Variants in ZNF704 observed in about 807,000 individuals in gnomAD.
The protein encoded by ZNF704 is glucocorticoid induced gene 1.
ZNF704 carries 10 observed loss-of-function variants against 44.7 expected under a neutral mutation model. The observed-to-expected ratio is 0.22, with a 90% CI of 0.14 to 0.38. The LOEUF is 0.38. ZNF704 is among the 10% of genes least tolerant of loss of function. The pLI is 1.00. For missense variants in ZNF704, 390 were observed against 545.5 expected (o/e 0.71, Z 2.84); for synonymous variants, 211 against 207.6 (o/e 1.02, Z -0.14).
At chr8:80,661,894 T>C (rs754423122) in intron 6 of ZNF704, among the ~76,000 whole-genome samples, 7 of 152,132 alleles carry the variant, frequency 4.6e-5, no homozygotes, top group Admixed American at 6.6e-5. Flanking sequence ...AGGATGGCTA[T>C]AGCTAACAAC....
intron 2 of ZNF704, among the ~76,000 whole-genome samples, chr8:80,795,011 T>C (rs1218919617): frequency 6.6e-6 from 1 of 152,188 alleles, no homozygotes; most frequent in Non-Finnish European, 1.5e-5. Flanking sequence ...AACCCTAAAT[T>C]GAGCAAGTGT....
At chr8:80,720,640 G>T (rs1450335854) in intron 2 of ZNF704, among the ~76,000 whole-genome samples, 1 of 152,174 alleles carries the variant, frequency 6.6e-6, no homozygotes, top group Non-Finnish European at 1.5e-5. Flanking sequence ...TCAAAACCAT[G>T]GATGGGTGGG....
At position 80,693,299 on chromosome 8, in the gene ZNF704, A is replaced by T. The variant is rs1252640214; in HGVS notation, c.222-192T>A. 2.0e-5 allele frequency among the ~76,000 whole-genome samples: 3 copies of T among 152,254 alleles called. No homozygotes were observed. The East Asian group carries it at 5.8e-4, about 29-fold the overall frequency. On this transcript the variant is annotated intron_variant, in intron 2 of 8. Coordinates refer to ENST00000327835, the MANE Select transcript of ZNF704 (RefSeq NM_001033723.3). Reference sequence around the variant, plus strand: ...AGTGTTTCAGTCAAAGTCATACAGTATTAGGAAGACAAGGATTCCATCATC... The same window carrying T: ...AGTGTTTCAGTCAAAGTCATACAGTTTTAGGAAGACAAGGATTCCATCATC...
At chr8:80,661,762 A>C (rs1259877877) in intron 6 of ZNF704, among the ~76,000 whole-genome samples, 1 of 152,202 alleles carries the variant, frequency 6.6e-6, no homozygotes, top group African/African-American at 2.4e-5. Context: ...GGTAGAGAAT[A>C]AAATGATAGT....
intron 4 of ZNF704, among the ~76,000 whole-genome samples, chr8:80,680,155 A>G (rs1818430758): frequency 6.6e-6 from 1 of 152,214 alleles, no homozygotes; most frequent in Non-Finnish European, 1.5e-5. Context: ...TGACTGCTGA[A>G]GGTCACCTTC....
intron 2 of ZNF704, among the ~76,000 whole-genome samples, chr8:80,784,552 C>T (rs551232260): frequency 1.8e-4 from 28 of 152,230 alleles, no homozygotes; most frequent in Admixed American, 1.7e-3. Context: ...TTGCCATCTG[C>T]GTGTCTTCTT....
rs1817556270 is a variant in ZNF704, at chr8:80,629,891, A to G, written c.*11475T>C. ...GTGTTACTAGAACATCCACCTTTAA[A>G]GAACTGGGCACATTTTCTAACAGCC... On this transcript the variant is annotated 3_prime_UTR_variant, in exon 9 of 9. Transcript: ENST00000327835. 1 of 152,236 alleles carries G rather than the reference A, an allele frequency of 6.6e-6. No homozygotes were observed. Among genetic ancestry groups the G allele is most frequent in the Non-Finnish European group, 1.5e-5 (1 of 68,046 alleles). 9.4% of individuals were successfully genotyped at this position (152,236 alleles called of 1,614,324 possible).
At chr8:80,871,304 C>A (rs916642342) in intron 1 of ZNF704, among the ~76,000 whole-genome samples, 2 of 152,210 alleles carry the variant, frequency 1.3e-5, no homozygotes, top group Non-Finnish European at 2.9e-5. Context: ...CTCCCAGCCT[C>A]CTTGACATAT....
intron 2 of ZNF704, among the ~76,000 whole-genome samples, chr8:80,738,276 C>T (rs1000823729): frequency 2.0e-5 from 3 of 152,190 alleles, no homozygotes; most frequent in Non-Finnish European, 4.4e-5. Flanking sequence ...AAGCCAGTCA[C>T]TACGTCTAGC....
intron 7 of ZNF704, among the ~76,000 whole-genome samples, chr8:80,646,164 C>T: frequency 6.6e-6 from 1 of 152,190 alleles, no homozygotes; most frequent in East Asian, 1.9e-4. Flanking sequence ...TATAGCAGCA[C>T]AAAACTTAGA....
rs551682833 is a variant in ZNF704, at chr8:80,637,413, G to C, written c.*3953C>G. ...GCCACTTTTCTCTCAACCTTTGCAA[G>C]TGAATGCTGCACTTTGGAGTCTGAT... On this transcript the variant is annotated 3_prime_UTR_variant, in exon 9 of 9. Coordinates refer to ENST00000327835, the MANE Select transcript of ZNF704 (RefSeq NM_001033723.3). The C allele has an allele frequency of 6.6e-6, 1 of 152,320 alleles. No homozygotes were observed. Among genetic ancestry groups the C allele is most frequent in the African/African-American group, 2.4e-5 (1 of 41,568 alleles). 9.4% of individuals were successfully genotyped at this position (152,320 alleles called of 1,614,324 possible). A position where few individuals can be genotyped will look rare whatever the true frequency, so the allele number is the denominator to read the frequency against.
At position 80,821,482 on chromosome 8, in the gene ZNF704, T is replaced by C. The variant is rs1166695009; in HGVS notation, c.113A>G (p.Lys38Arg). The C allele has an allele frequency of 1.9e-6, 3 of 1,614,064 alleles. No homozygotes were observed. The African/African-American group carries it at 4.0e-5, about 22-fold the overall frequency. ...MEEDVKTADT[K>R]KASRILDHEK... is the part of the protein sequence containing the mutation. ...ATGGTCAAGGATCCGGCTGGCTTTT[T>C]TGGTGTCTGCTGTTTTCACATCTTC... The change falls in exon 2 of 9, where the codon AAA (lysine) becomes AGA (arginine). Residue 38 changes from lysine (K) to arginine (R), a missense_variant. Around this residue, in one of 3 missense-constraint regions of ZNF704, gnomAD observed 80 missense variants for 83.7 expected, o/e 0.96. Transcript: ENST00000327835.
chr8:80,851,533 A>G (rs960099275), intron 1 of ZNF704, among the ~76,000 whole-genome samples: 2 of 137,322 alleles, frequency 1.5e-5, no homozygotes, highest in Non-Finnish European at 3.1e-5. Flanking sequence ...ATGAGAACAC[A>G]TGGACACAGG....
At chr8:80,714,406 G>C (rs1819039912) in intron 2 of ZNF704, among the ~76,000 whole-genome samples, 1 of 152,138 alleles carries the variant, frequency 6.6e-6, no homozygotes, top group South Asian at 2.1e-4. Context: ...TTTTTCGAAA[G>C]TTCATTTGAG....
In ZNF704 at chr8:80,831,560, A is replaced by G. The variant is rs183509705; in HGVS notation, c.-21-9945T>C. ...CTCTATGCTATAGGTCCTAAGCAGGAAAAGTGTTCAATGATAGAAGACAGC... is the reference window on the plus strand; with the variant it reads ...CTCTATGCTATAGGTCCTAAGCAGGGAAAGTGTTCAATGATAGAAGACAGC... On this transcript the variant is annotated intron_variant, in intron 1 of 8. Transcript: ENST00000327835. Among the ~76,000 whole-genome samples the G allele has an allele frequency of 7.9e-5, 12 of 152,356 alleles. No individual in the cohort carries two copies. The East Asian group carries it at 2.3e-3, about 29-fold the overall frequency.
chr8:80,822,804 T>C (rs1808301277), intron 1 of ZNF704, among the ~76,000 whole-genome samples: 1 of 152,246 alleles, frequency 6.6e-6, no homozygotes, highest in Admixed American at 6.5e-5. Context: ...CCAGTGATGA[T>C]GAGCATTTTT....
the ZNF704 span, among the ~76,000 whole-genome samples, chr8:80,881,858 G>A: frequency 1.4e-4 from 21 of 152,210 alleles, no homozygotes; most frequent in African/African-American, 5.1e-4. Context: ...AACCTGGGTG[G>A]TGGAGGTTGC....
chr8:80,687,872 C>G (rs1049002517), intron 3 of ZNF704, among the ~76,000 whole-genome samples: 1 of 152,066 alleles, frequency 6.6e-6, no homozygotes, highest in Non-Finnish European at 1.5e-5. Context: ...CACAGAGTTC[C>G]CTCTCACCCC....
At chr8:80,718,973 CT>C (rs998400199) in intron 2 of ZNF704, among the ~76,000 whole-genome samples, 16 of 149,216 alleles carry the variant, frequency 1.1e-4, no homozygotes, top group East Asian at 9.8e-4. Context: ...CATTTTTTTT[CT>C]TTTTTTTTGA....
Sources: allele counts gnomAD v4.1 joint callset (sites outside exome capture counted in the v4.1 genomes callset), GRCh38; gene constraint gnomAD v4.1.1; regional missense constraint gnomAD v4.1.1; transcripts MANE v1.5; gene names NCBI Gene and HGNC (gene_info 2026-07-23, HGNC 2026-07-21).